VAC14: variants seen among roughly 807,000 people sequenced by gnomAD.
VAC14 encodes the protein VAC14 component of PIKFYVE complex, also known as protein VAC14 homolog.
Under a neutral mutation model 85.3 loss-of-function variants are expected in VAC14, and 47 were observed. The ratio of observed to expected loss-of-function variants is 0.55; its 90% CI spans 0.44 to 0.70. The LOEUF is 0.70. Among genes scored for constraint, VAC14 ranks in the 30% least tolerant of loss-of-function variants. VAC14 has a pLI of 0.00. For synonymous variants in VAC14, 447 were observed against 430.5 expected, an observed-to-expected ratio of 1.04 and a Z score of -0.47; for missense variants, 861 against 1,004.3, an observed-to-expected ratio of 0.86 and a Z score of 1.93.
chr16:70,706,942 C>T (rs976421359), intron 14 of VAC14, among the ~76,000 whole-genome samples: 1 of 152,204 alleles, frequency 6.6e-6, no homozygotes, highest in Non-Finnish European at 1.5e-5. Flanking sequence ...ATCAAGGCTA[C>T]AAACTACAGA....
rs117734976 is a variant in VAC14 at position 70,782,670 on chromosome 16, C to T, written c.811+363G>A. On this transcript the variant is annotated intron_variant, in intron 7 of 18. Transcript: ENST00000261776. ...AAGTGACTGCTGTTTTAGGGAATGA[C>T]GTTTTGTGGTGGTTTGATACTCAGC... 5.4e-3 allele frequency among the ~76,000 whole-genome samples: 824 copies of T among 152,304 alleles called. 3 individuals carry two copies. The highest frequency in any genetic ancestry group is 9.8e-3 in the Non-Finnish European group (669 of 68,016).
Position 70,784,229 on chromosome 16 carries a change from CA to C in VAC14, c.487-10del, listed in dbSNP as rs1567604276. The C allele has an allele frequency of 6.2e-7, 1 of 1,612,894 alleles. No homozygotes were observed. Among genetic ancestry groups the C allele is most frequent in the Non-Finnish European group, 8.5e-7 (1 of 1,178,974 alleles). The stretch of plus-strand genomic sequence containing the variant: ...CTCTCAGTCACAATGTCCTGTGGAT[CA>C]GAGGAAAGTGAGCTGCCGAGAGCCC... On this transcript the variant is annotated splice_polypyrimidine_tract_variant and intron_variant, in intron 4 of 18. Coordinates refer to ENST00000261776, the MANE Select transcript of VAC14 (RefSeq NM_018052.5).
chr16:70,800,944 C>T lies in VAC14; in HGVS notation c.-44G>A. On this transcript the variant is annotated 5_prime_UTR_variant, in exon 1 of 19. Transcript: ENST00000261776. The stretch of plus-strand genomic sequence containing the variant: ...CTCGCGACTCCTTAGCCCGCGGCTG[C>T]CGGGGCCGCGCCGGGGCCAGGGGAG... 2 of 1,474,480 alleles carry T rather than the reference C, an allele frequency of 1.4e-6. No individual in the cohort carries two copies. Among genetic ancestry groups the T allele is most frequent in the South Asian group, 1.3e-5 (1 of 79,954 alleles). 91.3% of individuals were successfully genotyped at this position (1,474,480 alleles called of 1,614,324 possible). A position where few individuals can be genotyped will look rare whatever the true frequency, so the allele number is the denominator to read the frequency against.
chr16:70,741,568 A>G (rs142247168), intron 13 of VAC14, among the ~76,000 whole-genome samples: 57 of 152,368 alleles, frequency 3.7e-4, no homozygotes, highest in Middle Eastern at 3.4e-3. Flanking sequence ...TCTCAGGTTA[A>G]GAGCTCCTGG....
At chr16:70,715,164 G>C (rs1312387016) in intron 14 of VAC14, 1 of 152,298 alleles carries the variant, frequency 6.6e-6, no homozygotes, top group South Asian at 2.1e-4. Flanking sequence ...TGTGGGGACT[G>C]GTCTCTGGGC....
At chr16:70,717,798 C>A (rs2054199148) in intron 14 of VAC14, among the ~76,000 whole-genome samples, 2 of 152,186 alleles carry the variant, frequency 1.3e-5, no homozygotes, top group Non-Finnish European at 2.9e-5. Context: ...AGGCGCATGC[C>A]ACCATGCTCA....
intron 14 of VAC14, 114 bp from the exon 15 acceptor site, chr16:70,698,925 G>A: frequency 9.6e-7 from 1 of 1,040,710 alleles, no homozygotes; most frequent in Non-Finnish European, 1.4e-6. Flanking sequence ...GCTCTTTCCT[G>A]AGGCCAGTGT....
At chr16:70,708,867 G>A (rs945808593) in intron 14 of VAC14, among the ~76,000 whole-genome samples, 9 of 152,292 alleles carry the variant, frequency 5.9e-5, no homozygotes, top group African/African-American at 4.8e-5. Context: ...ATTGTCCCCC[G>A]GCCATGAAGC....
chr16:70,745,550 C>T (rs1221228176), intron 12 of VAC14, among the ~76,000 whole-genome samples: 2 of 151,936 alleles, frequency 1.3e-5, no homozygotes, highest in Admixed American at 6.6e-5. Flanking sequence ...TGTGTGCATG[C>T]ACCTGCCCCA....
chr16:70,784,063 C>T lies in VAC14; in HGVS notation c.594+50G>A, dbSNP rs552948202. 2.5e-5 allele frequency: 38 copies of T among 1,498,212 alleles called. No homozygotes were observed. In the South Asian group the frequency reaches 3.8e-4, roughly 15 times the overall value. 92.8% of individuals were successfully genotyped at this position (1,498,212 alleles called of 1,614,324 possible). ...GGCCTGACAAGAGTGTGCTAGAGAGCAGATTTTCCAAACTGGAGGCTGGAG... is the reference window on the plus strand; with the variant it reads ...GGCCTGACAAGAGTGTGCTAGAGAGTAGATTTTCCAAACTGGAGGCTGGAG... On this transcript the variant is annotated intron_variant, in intron 5 of 18. Transcript: ENST00000261776.
chr16:70,707,023 T>C (rs1203992459), intron 14 of VAC14, among the ~76,000 whole-genome samples: 1 of 152,116 alleles, frequency 6.6e-6, no homozygotes, highest in African/African-American at 2.4e-5. Context: ...GCTGGGATCC[T>C]TTAGGAATTT....
chr16:70,692,776 T>A (rs1212927015), intron 18 of VAC14, 45 bp downstream of exon 18: 4 of 1,572,226 alleles, frequency 2.5e-6, no homozygotes, highest in Non-Finnish European at 3.4e-6. Flanking sequence ...TCTGGGCCTG[T>A]CCCTGCTCAG....
chr16:70,724,709 G>A (rs547082480), intron 14 of VAC14, among the ~76,000 whole-genome samples: 12 of 152,196 alleles, frequency 7.9e-5, no homozygotes, highest in Non-Finnish European at 1.5e-4. Flanking sequence ...GCCCCTGGGC[G>A]GGGAACGGCT....
chr16:70,709,344 G>C (rs2142995044), intron 14 of VAC14, among the ~76,000 whole-genome samples: 1 of 151,972 alleles, frequency 6.6e-6, no homozygotes, highest in South Asian at 2.1e-4. Context: ...TTTCCGGGAA[G>C]ACAGTTTGGA....
intron 12 of VAC14, chr16:70,748,074 C>T (rs556351708): frequency 1.3e-5 from 2 of 152,402 alleles, no homozygotes; most frequent in South Asian, 4.1e-4. Context: ...GGAACTGAGA[C>T]TTGGACAGTC....
chr16:70,789,466 G>A (rs1198196367), intron 1 of VAC14, among the ~76,000 whole-genome samples: 2 of 152,194 alleles, frequency 1.3e-5, no homozygotes, highest in African/African-American at 2.4e-5. Flanking sequence ...GCCCAAGAAT[G>A]GGGTTAAAGG....
chr16:70,769,735 C>A (rs2033077115), intron 10 of VAC14: 1 of 152,302 alleles, frequency 6.6e-6, no homozygotes, highest in African/African-American at 2.4e-5. Flanking sequence ...CTCATCCCAG[C>A]CGACAGTAGC....
At chr16:70,728,734 C>T (rs1194810555) in intron 14 of VAC14, among the ~76,000 whole-genome samples, 1 of 152,256 alleles carries the variant, frequency 6.6e-6, no homozygotes. Flanking sequence ...AAACCCACCT[C>T]AGCCCAGTTC....
chr16:70,732,248 C>T (rs2143002718), intron 13 of VAC14, among the ~76,000 whole-genome samples: 1 of 152,332 alleles, frequency 6.6e-6, no homozygotes, highest in South Asian at 2.1e-4. Context: ...GTGTTTTAAA[C>T]TTTACTTTTG....
Sources: gnomAD v4.1 joint callset for allele counts (sites outside exome capture counted in the v4.1 genomes callset) on GRCh38, gnomAD v4.1.1 for gene constraint, MANE v1.5 for transcripts, NCBI Gene and HGNC (gene_info 2026-07-23, HGNC 2026-07-21) for gene names.